The following C3 variants were observed in gnomAD, a reference collection of about 807,000 sequenced individuals.
C3 encodes complement C3.
C3 carries 97 observed loss-of-function variants against 207.9 expected under a neutral mutation model. The observed-to-expected ratio is 0.47, with a 90% CI of 0.40 to 0.55. The LOEUF (loss-of-function observed/expected upper bound fraction) is 0.55, where lower values mean the gene tolerates loss of function less well. Among genes scored for constraint, C3 ranks in the 20% least tolerant of loss-of-function variants. The pLI is 0.00. For synonymous variants in C3, 848 were observed against 857.6 expected, an observed-to-expected ratio of 0.99 and a Z score of 0.20; for missense variants, 1,684 against 2,171.7, an observed-to-expected ratio of 0.78 and a Z score of 4.46.
At chr19:6,680,125 C>A (rs758678000) in intron 36 of C3, 33 bp downstream of exon 36, 1 of 1,191,412 alleles carries the variant, frequency 8.4e-7, no homozygotes, top group African/African-American at 1.5e-5. Flanking sequence ...CCCCTGGAAC[C>A]ATCAGACCCC....
rs1210325938 is a variant in C3, at chr19:6,684,626, C to T, written c.4054G>A (p.Ala1352Thr). 6.2e-7 allele frequency: 1 copy of T among 1,613,946 alleles called. No homozygotes were observed. The highest frequency in any genetic ancestry group is 1.7e-5 in the Admixed American group (1 of 60,000). The change falls in exon 32 of 41, where the codon GCC (alanine) becomes ACC (threonine). Residue 1352 changes from alanine (A) to threonine (T), a missense_variant. Ala to Thr is a moderately conservative substitution (Grantham distance 58, BLOSUM62 0). Around this residue, in one of 3 missense-constraint regions of C3, gnomAD observed 1,280 missense variants for 1,739.1 expected, o/e 0.74. Transcript: ENST00000245907. ...LSVVTMYHAK[A>T]KDQLTCNKFD... ...TTATTACAGGTGAGTTGATCTTTGG[C>T]CTTAGCATGGTACATTGTCACCACC...
intron 23 of C3, among the ~76,000 whole-genome samples, chr19:6,694,885 A>C (rs1967499066): frequency 6.6e-6 from 1 of 152,220 alleles, no homozygotes; most frequent in Non-Finnish European, 1.5e-5. Flanking sequence ...CAGCAGTAAA[A>C]TAATTCCAGT....
chr19:6,697,560 C>T lies in C3; in HGVS notation c.2584-4G>A. The T allele has an allele frequency of 6.2e-7, 1 of 1,613,792 alleles. No homozygotes were observed. Among genetic ancestry groups the T allele is most frequent in the East Asian group, 2.2e-5 (1 of 44,872 alleles). On this transcript the variant is annotated splice_polypyrimidine_tract_variant and splice_region_variant and intron_variant, in intron 20 of 40. Transcript: ENST00000245907. ...TGTGGAGTAGTTCCACCCTCACCTG[C>T]CAGGGAGAGAAAGGATCCGGGCAAG...
At position 6,697,041 on chromosome 19, in the gene C3, C is replaced by CAAAA. The variant is rs200094017; in HGVS notation, c.2796+299_2796+302dup. Among the ~76,000 whole-genome samples, 280 of 71,264 alleles carry CAAAA rather than the reference C, an allele frequency of 3.9e-3. 9 individuals carry two copies. Among genetic ancestry groups the CAAAA allele is most frequent in the Middle Eastern group, 0.016 (2 of 124 alleles). 46.8% of individuals were successfully genotyped at this position (71,264 alleles called of 152,430 possible). ...TGGGGAACAGAGTGAGACTCTGTCT[C>CAAAA]AAAAAAATAAACAAACAAATAAATA... On this transcript the variant is annotated intron_variant, in intron 21 of 40. Coordinates refer to ENST00000245907, the MANE Select transcript of C3 (RefSeq NM_000064.4).
rs1436064879 is a variant in C3 at position 6,697,701 on chromosome 19, A to G, written c.2534T>C (p.Val845Ala). 2 of 1,613,818 alleles carry G rather than the reference A, an allele frequency of 1.2e-6. No homozygotes were observed. The highest frequency in any genetic ancestry group is 1.7e-6 in the Non-Finnish European group (2 of 1,180,006). ...ATTGTAGAGAACGGCTCGGATTTCC[A>G]CCTGCTCGTTTCGAACAACAGAGTA... ...LPYSVVRNEQVEIRAVLYNYR... is the reference protein window; with the variant it reads ...LPYSVVRNEQAEIRAVLYNYR... The change falls in exon 20 of 41, where the codon GTG becomes GCG. Residue 845 changes from valine (V) to alanine (A), a missense_variant. This residue lies in a region of C3 where 1,280 missense variants were observed against 1,739.1 expected (regional missense o/e 0.74). Coordinates refer to ENST00000245907, the MANE Select transcript of C3 (RefSeq NM_000064.4).
intron 17 of C3, 90 bp from the exon 18 acceptor site, chr19:6,702,669 A>C (rs751249590): frequency 4.7e-5 from 41 of 881,002 alleles, no homozygotes; most frequent in Admixed American, 5.2e-5. Context: ...AGGCCAAGGC[A>C]GGTGGATCAC....
intron 17 of C3, among the ~76,000 whole-genome samples, chr19:6,705,539 G>T (rs887446927): frequency 2.6e-5 from 4 of 151,582 alleles, no homozygotes; most frequent in Non-Finnish European, 5.9e-5. Context: ...TAGATATGGG[G>T]TTCTGCCATG....
At chr19:6,694,330 G>T in intron 24 of C3, 101 bp downstream of exon 24, 1 of 1,017,770 alleles carries the variant, frequency 9.8e-7, no homozygotes, top group Non-Finnish European at 1.5e-6. Context: ...AGAAGGTGGA[G>T]CCTCAGGGGA....
intron 17 of C3, among the ~76,000 whole-genome samples, chr19:6,704,913 A>AT (rs1967742547): frequency 6.6e-6 from 1 of 151,476 alleles, no homozygotes; most frequent in Non-Finnish European, 1.5e-5. Flanking sequence ...AAAAAAAAAA[A>AT]GTTTTCGTCC....
At chr19:6,709,958 C>A in intron 13 of C3, 116 bp from the exon 14 acceptor site, 1 of 289,464 alleles carries the variant, frequency 3.5e-6, no homozygotes, top group East Asian at 1.2e-4. Flanking sequence ...AGCCGTGGGG[C>A]TGGGGAGGGG....
chr19:6,712,418 G>A lies in C3; in HGVS notation c.1120-12C>T. The A allele has an allele frequency of 6.2e-7, 1 of 1,614,192 alleles. No homozygotes were observed. The highest frequency in any genetic ancestry group is 8.5e-7 in the Non-Finnish European group (1 of 1,180,006). On this transcript the variant is annotated splice_polypyrimidine_tract_variant and intron_variant, in intron 10 of 40. Coordinates refer to ENST00000245907, the MANE Select transcript of C3 (RefSeq NM_000064.4). ...TTCGTCACGAACACCTGTGATGTGG[G>A]GTGCAGGTGGGGGAAGTTCAGGCAG... is the stretch of plus-strand genomic sequence containing the variant.
chr19:6,698,598 C>T (rs938358921), intron 19 of C3, among the ~76,000 whole-genome samples: 1 of 151,872 alleles, frequency 6.6e-6, no homozygotes, highest in African/African-American at 2.4e-5. Flanking sequence ...AATCACAGCA[C>T]TTTGGGAGGC....
intron 33 of C3, among the ~76,000 whole-genome samples, chr19:6,683,913 G>A (rs1425354650): frequency 6.6e-6 from 1 of 152,234 alleles, no homozygotes; most frequent in East Asian, 1.9e-4. Context: ...GGGCAACACA[G>A]TGAGGCCCTG....
chr19:6,709,611 T>TCCCCCCCCCCCCCCCCCCCCCCCCC, intron 14 of C3, 73 bp downstream of exon 14: 6 of 1,109,422 alleles, frequency 5.4e-6, no homozygotes, highest in Non-Finnish European at 5.4e-6. Flanking sequence ...CCCTCTCCAG[T>TCCCCCCCCCCCCCCCCCCCCCCCCC]CCCACCCACC....
At chr19:6,695,009 G>A (rs984439905) in intron 23 of C3, among the ~76,000 whole-genome samples, 1 of 152,152 alleles carries the variant, frequency 6.6e-6, no homozygotes, top group Non-Finnish European at 1.5e-5. Context: ...CGTGGCTGAA[G>A]CCTGTAATCT....
rs780300974 is a variant in C3, at chr19:6,702,128, T to A, written c.2439A>T (p.Lys813Asn). 20 of 1,575,012 alleles carry A rather than the reference T, an allele frequency of 1.3e-5. No individual in the cohort carries two copies. In the Admixed American group the frequency reaches 2.0e-4, roughly 16 times the overall value. The change falls in exon 19 of 41, where the codon AAA (lysine) becomes AAT (asparagine). Residue 813 changes from lysine (K) to asparagine (N), a missense_variant and splice_region_variant. This residue lies in a region of C3 where 1,280 missense variants were observed against 1,739.1 expected (regional missense o/e 0.74). Coordinates refer to ENST00000245907, the MANE Select transcript of C3 (RefSeq NM_000064.4). Reference protein sequence around the residue: ...EILAVSMSDKKGICVADPFEV... With the variant: ...EILAVSMSDKNGICVADPFEV... ...GGACCAGCCAGCATCCTCTCTCACC[T>A]TTCTTGTCCGACATGCTCACAGCCA...
In C3 at chr19:6,711,230, C is replaced by T. The variant is rs151089261; in HGVS notation, c.1270-34G>A. On this transcript the variant is annotated intron_variant, in intron 11 of 40. Coordinates refer to ENST00000245907, the MANE Select transcript of C3 (RefSeq NM_000064.4). Reference sequence around the variant, plus strand: ...GGAAAGAGGGATGCCTGCTGGTCGCCGCCCGAGGATACCCACACCCGAATC... The same window carrying T: ...GGAAAGAGGGATGCCTGCTGGTCGCTGCCCGAGGATACCCACACCCGAATC... 406 of 1,576,834 alleles carry T rather than the reference C, an allele frequency of 2.6e-4. 2 individuals carry two copies. In the African/African-American group the frequency reaches 4.6e-3, roughly 18 times the overall value.
In C3 at chr19:6,700,372, A is replaced by G. The variant is rs1394899071; in HGVS notation, c.2440+1755T>C. 8.5e-4 allele frequency among the ~76,000 whole-genome samples: 77 copies of G among 90,992 alleles called. 24 individuals carry two copies. The highest frequency in any genetic ancestry group is 1.4e-3 in the Non-Finnish European group (72 of 52,846). The allele number at this position is 90,992 out of a possible 152,430, so 59.7% of individuals were successfully genotyped here. A position where few individuals can be genotyped will look rare whatever the true frequency, so the allele number is the denominator to read the frequency against. On this transcript the variant is annotated intron_variant, in intron 19 of 40. Coordinates refer to ENST00000245907, the MANE Select transcript of C3 (RefSeq NM_000064.4). ...ATATGATATATATGTAATATGATAT[A>G]TTATATATGTAATATATGATATATA...
intron 29 of C3, among the ~76,000 whole-genome samples, chr19:6,685,782 A>C (rs978201011): frequency 6.6e-6 from 1 of 152,156 alleles, no homozygotes; most frequent in Non-Finnish European, 1.5e-5. Context: ...TCTAGAACCC[A>C]CCAGCAAGAC....
Sources: gnomAD v4.1 joint callset for allele counts (sites outside exome capture counted in the v4.1 genomes callset) on GRCh38, gnomAD v4.1.1 for gene constraint, gnomAD v4.1.1 regional missense constraint, MANE v1.5 for transcripts, NCBI Gene and HGNC (gene_info 2026-07-23, HGNC 2026-07-21) for gene names.